The following NPIPB11 variants were observed in gnomAD, a reference collection of about 807,000 sequenced individuals.
NPIPB11 encodes the protein nuclear pore complex interacting protein family member B11.
In NPIPB11, 17 loss-of-function variants were observed where a neutral mutation model predicts 32.8. The observed-to-expected ratio is 0.52, with a 90% CI of 0.35 to 0.78. NPIPB11 has a LOEUF of 0.78. Ranked by LOEUF, NPIPB11 falls within the 30% of genes least tolerant of loss-of-function variation. The pLI, the probability that NPIPB11 is intolerant of heterozygous loss-of-function variation, is 0.01. For missense variants in NPIPB11, 537 were observed against 1,000.4 expected, an observed-to-expected ratio of 0.54 and a Z score of 6.25; for synonymous variants, 209 against 398.4, an observed-to-expected ratio of 0.52 and a Z score of 5.66.
intron 2 of NPIPB11, among the ~76,000 whole-genome samples, chr16:29,397,236 AC>A (rs1963878348): frequency 6.7e-6 from 1 of 148,594 alleles, no homozygotes; most frequent in Admixed American, 6.8e-5. Flanking sequence ...GTTTTGGTCC[AC>A]TTTGTTTGTT....
At chr16:29,403,349 AT>A (rs1964042504) in intron 2 of NPIPB11, among the ~76,000 whole-genome samples, 1 of 146,716 alleles carries the variant, frequency 6.8e-6, no homozygotes, top group African/African-American at 2.5e-5. Flanking sequence ...AAATGCTGGG[AT>A]TACAGGCATG....
chr16:29,390,739 G>A (rs1370267977), intron 3 of NPIPB11, among the ~76,000 whole-genome samples: 3 of 151,738 alleles, frequency 2.0e-5, no homozygotes, highest in Non-Finnish European at 2.9e-5. Context: ...TGAGGCAGGC[G>A]GATCACCTGA....
chr16:29,401,157 C>A (rs1187220979), intron 2 of NPIPB11, among the ~76,000 whole-genome samples: 2 of 152,126 alleles, frequency 1.3e-5, no homozygotes, highest in Non-Finnish European at 2.9e-5. Flanking sequence ...TAGTTTACAA[C>A]CTCCAGCCCT....
chr16:29,389,720 G>T (rs1228135321), intron 5 of NPIPB11, among the ~76,000 whole-genome samples: 1 of 139,392 alleles, frequency 7.2e-6, no homozygotes, highest in African/African-American at 2.7e-5. Context: ...ACCAATGCCA[G>T]TACTAGCAAC....
In NPIPB11 at chr16:29,382,348, AG is replaced by A; in HGVS notation, c.2583del (p.Phe862SerfsTer10). The A allele has an allele frequency of 1.8e-6, 1 of 549,810 alleles. No homozygotes were observed. Among genetic ancestry groups the A allele is most frequent in the Admixed American group, 3.7e-5 (1 of 26,722 alleles). 34.1% of individuals were successfully genotyped at this position (549,810 alleles called of 1,614,324 possible). ...TGCTGAGGGTGGAGCTGAGGGTGGA[AG>A]GGGAGTGAGCTGACGCTCGGAAGGT... On this transcript the variant is annotated frameshift_variant, in exon 8 of 8. Coordinates refer to ENST00000524087, the Ensembl canonical transcript of NPIPB11. LOFTEE classifies it high-confidence loss of function.
chr16:29,392,078 G>T (rs905592236), intron 3 of NPIPB11, among the ~76,000 whole-genome samples: 1 of 150,812 alleles, frequency 6.6e-6, no homozygotes, highest in Non-Finnish European at 1.5e-5. Flanking sequence ...CTGCACATAG[G>T]ATAAAAAAAA....
chr16:29,397,474 G>C (rs1348575168), intron 2 of NPIPB11: 2 of 1,299,570 alleles, frequency 1.5e-6, no homozygotes, highest in Non-Finnish European at 2.1e-6. Context: ...GCCCCCTAAA[G>C]TGCTGGGATT....
At chr16:29,401,779 G>A (rs1401467359) in intron 2 of NPIPB11, among the ~76,000 whole-genome samples, 2 of 152,086 alleles carry the variant, frequency 1.3e-5, no homozygotes, top group African/African-American at 2.4e-5. Context: ...TAGAGCAGCT[G>A]ACAGCTCCCA....
intron 2 of NPIPB11, among the ~76,000 whole-genome samples, chr16:29,394,407 C>G (rs1448338831): frequency 7.2e-6 from 1 of 139,718 alleles, no homozygotes; most frequent in East Asian, 2.2e-4. Flanking sequence ...CTAACAATAG[C>G]TGATGATCTA....
intron 2 of NPIPB11, among the ~76,000 whole-genome samples, chr16:29,395,376 G>T (rs1963828047): frequency 1.9e-5 from 1 of 52,088 alleles, no homozygotes; most frequent in Admixed American, 2.3e-4. Context: ...TGGCCAGGCT[G>T]GTCTCCAACT....
chr16:29,394,720 C>A (rs1300625665), intron 2 of NPIPB11, among the ~76,000 whole-genome samples: 1 of 151,956 alleles, frequency 6.6e-6, no homozygotes, highest in African/African-American at 2.4e-5. Flanking sequence ...GTGTGAGCCA[C>A]CGTGCCCAGC....
At chr16:29,389,704 AG>A (rs1246120078) in intron 5 of NPIPB11, among the ~76,000 whole-genome samples, 1 of 142,966 alleles carries the variant, frequency 7.0e-6, no homozygotes, top group Non-Finnish European at 1.5e-5. Context: ...AAAAAGAGAA[AG>A]GAAAACCAAT....
At chr16:29,389,308 G>A (rs1963649541) in intron 5 of NPIPB11, among the ~76,000 whole-genome samples, 1 of 147,258 alleles carries the variant, frequency 6.8e-6, no homozygotes, top group Non-Finnish European at 1.5e-5. Flanking sequence ...GTTGCAGTGA[G>A]CCAAGACTGC....
chr16:29,384,079 G>A (rs1202650530), exon 8 of NPIPB11: 2 of 1,231,316 alleles, frequency 1.6e-6, no homozygotes, highest in African/African-American at 2.7e-5. Context: ...CACTCGGGAG[G>A]TGTCTTGAGA....
chr16:29,393,003 T>TAA (rs1485904011), intron 3 of NPIPB11, among the ~76,000 whole-genome samples: 1 of 146,210 alleles, frequency 6.8e-6, no homozygotes, highest in East Asian at 2.0e-4. Context: ...GACAACCACA[T>TAA]TTTTACTGTC....
chr16:29,391,259 C>T (rs1253910934), intron 3 of NPIPB11, among the ~76,000 whole-genome samples: 3 of 124,932 alleles, frequency 2.4e-5, no homozygotes, highest in Non-Finnish European at 3.4e-5. Context: ...GAGTGAGACT[C>T]CGTCTCAAAA....
chr16:29,393,638 A>G (rs1279818255), intron 3 of NPIPB11, among the ~76,000 whole-genome samples: 1 of 150,802 alleles, frequency 6.6e-6, no homozygotes, highest in Non-Finnish European at 1.5e-5. Context: ...AAAGCAGAAG[A>G]GTTTAGAAAG....
At chr16:29,390,653 T>TACACACACACACACAC (rs56110526) in intron 3 of NPIPB11, among the ~76,000 whole-genome samples, 8 of 146,894 alleles carry the variant, frequency 5.4e-5, no homozygotes, top group Middle Eastern at 6.9e-3. Flanking sequence ...CTCTGTCACA[T>TACACACACACACACAC]ACACACACAC....
exon 8 of NPIPB11, chr16:29,383,174 A>T (rs1198544760): frequency 6.3e-7 from 1 of 1,590,594 alleles, no homozygotes; most frequent in East Asian, 2.3e-5. Flanking sequence ...GGAACTGCAG[A>T]TGCTCGGCAG....
Sources: allele counts gnomAD v4.1 joint callset (sites outside exome capture counted in the v4.1 genomes callset), GRCh38; gene constraint gnomAD v4.1.1; transcripts MANE v1.5; gene names NCBI Gene and HGNC (gene_info 2026-07-23, HGNC 2026-07-21).